Variants in VAV2 observed in about 807,000 individuals in gnomAD.
VAV2 encodes guanine nucleotide exchange factor VAV2.
In VAV2, 67 loss-of-function variants were observed where a neutral mutation model predicts 132.5. The observed-to-expected ratio is 0.51, with a 90% CI of 0.42 to 0.62. The LOEUF (loss-of-function observed/expected upper bound fraction) is 0.62, where lower values mean the gene tolerates loss of function less well. Ranked by LOEUF, VAV2 falls within the 20% of genes least tolerant of loss-of-function variation. The pLI is 0.00. For missense variants in VAV2, 938 were observed against 1,153.6 expected (o/e 0.81, Z 2.71); for synonymous variants, 492 against 443.5 (o/e 1.11, Z -1.37).
Position 133,924,629 on chromosome 9 carries a change from TAGG to T in VAV2, c.321+14471_321+14473del, listed in dbSNP as rs550018129. 1.7e-3 allele frequency among the ~76,000 whole-genome samples: 252 copies of T among 152,224 alleles called. 1 individual carries two copies. The highest frequency in any genetic ancestry group is 5.9e-3 in the African/African-American group (244 of 41,516). ...TGAGCTCAGACAAGAACACGTCCAC[TAGG>T]AGGCCAGTCACCACCAGCTCTTCCC... On this transcript the variant is annotated intron_variant, in intron 2 of 29. Transcript: ENST00000371850.
chr9:133,792,332 G>A (rs1432956718), intron 12 of VAV2, among the ~76,000 whole-genome samples: 2 of 120,916 alleles, frequency 1.7e-5, no homozygotes, highest in African/African-American at 6.3e-5. Flanking sequence ...GTGTGTATGT[G>A]TGAGTGAGCT....
chr9:133,896,877 G>A (rs28625496), intron 2 of VAV2, among the ~76,000 whole-genome samples: 5,778 of 152,138 alleles, frequency 0.038, 367 homozygotes, highest in African/African-American at 0.13. Context: ...GGCGGATCAC[G>A]AGATCAGGAG....
intron 2 of VAV2, among the ~76,000 whole-genome samples, chr9:133,890,409 C>G (rs996966495): frequency 6.6e-6 from 1 of 152,212 alleles, no homozygotes; most frequent in African/African-American, 2.4e-5. Flanking sequence ...CCCCGGACTA[C>G]ATTTCTTCCT....
intron 4 of VAV2, among the ~76,000 whole-genome samples, chr9:133,825,743 C>CA (rs1835963200): frequency 6.6e-6 from 1 of 152,096 alleles, no homozygotes; most frequent in Non-Finnish European, 1.5e-5. Context: ...CCCCTGCAGA[C>CA]AAAGGGCACA....
chr9:133,950,568 G>A (rs1043115826), intron 1 of VAV2, among the ~76,000 whole-genome samples: 1 of 152,180 alleles, frequency 6.6e-6, no homozygotes, highest in African/African-American at 2.4e-5. Context: ...TCAAACCAAA[G>A]GTTTTCTATA....
At chr9:133,880,382 G>A (rs1048900261) in intron 2 of VAV2, among the ~76,000 whole-genome samples, 12 of 152,206 alleles carry the variant, frequency 7.9e-5, no homozygotes, top group Admixed American at 2.0e-4. Flanking sequence ...TGATAAAGGC[G>A]GGCAGGGAAG....
intron 24 of VAV2, among the ~76,000 whole-genome samples, chr9:133,775,500 A>G (rs957222645): frequency 3.9e-5 from 6 of 152,222 alleles, no homozygotes; most frequent in African/African-American, 1.4e-4. Flanking sequence ...GCCAACATCC[A>G]TGTCAGTTGA....
intron 18 of VAV2, 113 bp from the exon 19 acceptor site, chr9:133,783,704 A>T: frequency 2.3e-6 from 2 of 882,700 alleles, no homozygotes; most frequent in Non-Finnish European, 3.7e-6. Flanking sequence ...GCTGTCTCCC[A>T]GCACACACAT....
intron 3 of VAV2, among the ~76,000 whole-genome samples, chr9:133,839,114 G>T (rs919017724): frequency 2.0e-5 from 3 of 151,510 alleles, no homozygotes; most frequent in African/African-American, 7.3e-5. Context: ...ATGGATGGAT[G>T]GGTAGCTAGA....
At chr9:133,976,257 G>T (rs1668077761) in intron 1 of VAV2, among the ~76,000 whole-genome samples, 1 of 152,168 alleles carries the variant, frequency 6.6e-6, no homozygotes, top group Admixed American at 6.5e-5. Context: ...TCCCACAAGG[G>T]GATCCTTTCT....
chr9:133,850,201 C>A (rs747699064), intron 3 of VAV2, among the ~76,000 whole-genome samples: 1 of 152,182 alleles, frequency 6.6e-6, no homozygotes, highest in Non-Finnish European at 1.5e-5. Context: ...AGGGTCACAC[C>A]AGGAGCAAGG....
At position 133,909,084 on chromosome 9, in the gene VAV2, C is replaced by T. The variant is rs144590153; in HGVS notation, c.321+30019G>A. Among the ~76,000 whole-genome samples the T allele has an allele frequency of 2.0e-3, 312 of 152,354 alleles. 1 individual carries two copies. The highest frequency in any genetic ancestry group is 0.01 in the Middle Eastern group (3 of 294). Reference sequence around the variant, plus strand: ...AAAACTGCAAAGTAGGGACCCAACTCCAGGCACCCCTAGCAATCGCGAGGA... The same window carrying T: ...AAAACTGCAAAGTAGGGACCCAACTTCAGGCACCCCTAGCAATCGCGAGGA... On this transcript the variant is annotated intron_variant, in intron 2 of 29. Transcript: ENST00000371850.
intron 17 of VAV2, 50 bp from the exon 18 acceptor site, chr9:133,784,468 C>T: frequency 3.1e-6 from 5 of 1,600,788 alleles, no homozygotes; most frequent in Middle Eastern, 3.3e-4. Flanking sequence ...ATTCCCCGAG[C>T]CCCACCATGT....
chr9:133,784,305 G>A lies in VAV2; in HGVS notation c.1634+12C>T, dbSNP rs771015064. 2 of 1,612,778 alleles carry A rather than the reference G, an allele frequency of 1.2e-6. No homozygotes were observed. The highest frequency in any genetic ancestry group is 1.7e-6 in the Non-Finnish European group (2 of 1,178,864). ...GAGCGAGGTGAGGGCTGTAGCAGGG[G>A]GTTTCCCACACCTGAGGAACATTTT... On this transcript the variant is annotated intron_variant, in intron 18 of 29. Transcript: ENST00000371850.
At chr9:133,921,998 C>T (rs1225259294) in intron 2 of VAV2, among the ~76,000 whole-genome samples, 2 of 152,352 alleles carry the variant, frequency 1.3e-5, no homozygotes, top group African/African-American at 2.4e-5. Flanking sequence ...CAGCTAATGG[C>T]GCACGCACAG....
At position 133,804,987 on chromosome 9, in the gene VAV2, G is replaced by A. The variant is rs573964678; in HGVS notation, c.836+1094C>T. 1.4e-4 allele frequency among the ~76,000 whole-genome samples: 22 copies of A among 152,288 alleles called. No homozygotes were observed. Among genetic ancestry groups the A allele is most frequent in the African/African-American group, 5.3e-4 (22 of 41,558 alleles). On this transcript the variant is annotated intron_variant, in intron 9 of 29. Coordinates refer to ENST00000371850, the MANE Select transcript of VAV2 (RefSeq NM_001134398.2). This position sits in a 1 kb window ranked among gnomAD's most constrained non-coding sequence, Gnocchi z 4.5. ...GCTCCAGGACCCTCCTCACAGGGAA[G>A]GGGGGAGCGCCTTTCCTGAAGCTAC...
At position 133,763,895 on chromosome 9, in the gene VAV2, TGAAACGGTTC is replaced by T; in HGVS notation, c.*157_*166del. 1.2e-6 allele frequency: 1 copy of T among 801,796 alleles called. No homozygotes were observed. The highest frequency in any genetic ancestry group is 2.0e-6 in the Non-Finnish European group (1 of 498,094). The allele number at this position is 801,796 out of a possible 1,614,324, so 49.7% of individuals were successfully genotyped here. A position where few individuals can be genotyped will look rare whatever the true frequency, so the allele number is the denominator to read the frequency against. On this transcript the variant is annotated 3_prime_UTR_variant, in exon 30 of 30. Transcript: ENST00000371850. This position sits in a 1 kb window ranked among gnomAD's most constrained non-coding sequence, Gnocchi z 6.8. ...TGGGTCGCCGAGGGCAGGCTGACAGTGAAACGGTTCGAGTTTAGGATTCTCAACACCCTCC... is the reference window on the plus strand; with the variant it reads ...TGGGTCGCCGAGGGCAGGCTGACAGTGAGTTTAGGATTCTCAACACCCTCC...
rs774426625 is a variant in VAV2 at position 133,787,217 on chromosome 9, G to A, written c.1422+29C>T. 30 of 1,565,956 alleles carry A rather than the reference G, an allele frequency of 1.9e-5. No individual in the cohort carries two copies. In the South Asian group the frequency reaches 3.5e-4, roughly 18 times the overall value. ...CACCAGGCTGGGATGATTGAGGCAG[G>A]TGGGAGGACCTGGGCGCTAGGTGCT... On this transcript the variant is annotated intron_variant, in intron 16 of 29. Coordinates refer to ENST00000371850, the MANE Select transcript of VAV2 (RefSeq NM_001134398.2).
At position 133,809,176 on chromosome 9, in the gene VAV2, G is replaced by A. The variant is rs559331404; in HGVS notation, c.568-38C>T. ...AGGGGGAGTCAGCAGGACCCCATGG[G>A]CCCGGCCACCTGCCACCTGCACATC... is the stretch of plus-strand genomic sequence containing the variant. On this transcript the variant is annotated intron_variant, in intron 6 of 29. Coordinates refer to ENST00000371850, the MANE Select transcript of VAV2 (RefSeq NM_001134398.2). The A allele has an allele frequency of 2.6e-5, 42 of 1,585,482 alleles. 1 individual carries two copies. In the South Asian group the frequency reaches 4.4e-4, roughly 17 times the overall value.
Sources: allele counts gnomAD v4.1 joint callset (sites outside exome capture counted in the v4.1 genomes callset), GRCh38; gene constraint gnomAD v4.1.1; non-coding constraint Gnocchi (gnomAD v3.1); transcripts MANE v1.5; gene names NCBI Gene and HGNC (gene_info 2026-07-23, HGNC 2026-07-21).